RPGRIP1L: variants seen among roughly 807,000 people sequenced by gnomAD.
The protein encoded by RPGRIP1L is protein fantom.
Under a neutral mutation model 160.4 loss-of-function variants are expected in RPGRIP1L, and 131 were observed. The observed-to-expected ratio is 0.82, with a 90% CI of 0.71 to 0.94. The LOEUF is 0.94. Ranked by LOEUF, RPGRIP1L falls within the 40% of genes least tolerant of loss-of-function variation. The pLI, the probability that RPGRIP1L is intolerant of heterozygous loss-of-function variation, is 0.00. For missense variants in RPGRIP1L, 1,522 were observed against 1,535.8 expected (o/e 0.99, Z 0.15); for synonymous variants, 510 against 515.8 (o/e 0.99, Z 0.15).
chr16:53,666,360 T>A (rs1381143449), intron 9 of RPGRIP1L, among the ~76,000 whole-genome samples: 3 of 152,192 alleles, frequency 2.0e-5, no homozygotes, highest in South Asian at 4.1e-4. Flanking sequence ...AAATATAGGA[T>A]CTATATATCA....
At chr16:53,637,954 G>T in intron 20 of RPGRIP1L, 100 bp from the exon 21 acceptor site, 1 of 1,185,206 alleles carries the variant, frequency 8.4e-7, no homozygotes, top group Non-Finnish European at 1.2e-6. Flanking sequence ...GTAAATTTGA[G>T]ACTTAAATAT....
intron 9 of RPGRIP1L, among the ~76,000 whole-genome samples, chr16:53,670,448 A>C (rs1389903876): frequency 6.6e-6 from 1 of 152,106 alleles, no homozygotes; most frequent in African/African-American, 2.4e-5. Flanking sequence ...ATCATTTATC[A>C]GTATCATATA....
At chr16:53,658,496 GT>G in intron 11 of RPGRIP1L, 32 bp from the exon 12 acceptor site, 1 of 1,503,216 alleles carries the variant, frequency 6.7e-7, no homozygotes, top group Non-Finnish European at 9.3e-7. Context: ...CTCACAATGA[GT>G]TATGAATGGA....
chr16:53,619,644 A>G (rs1964590267), intron 23 of RPGRIP1L, among the ~76,000 whole-genome samples: 1 of 152,206 alleles, frequency 6.6e-6, no homozygotes, highest in Non-Finnish European at 1.5e-5. Flanking sequence ...AGCCTGTTGA[A>G]CACTTTATAG....
At chr16:53,612,292 G>A (rs1325281000) in intron 24 of RPGRIP1L, among the ~76,000 whole-genome samples, 1 of 152,272 alleles carries the variant, frequency 6.6e-6, no homozygotes, top group South Asian at 2.1e-4. Context: ...CTCTTTGCAT[G>A]AAACCATATT....
rs371351333 is a variant in RPGRIP1L at position 53,697,515 on chromosome 16, C to T, written c.86-1220G>A. ...TGCCTGCGATTGCAGGCGCACGCCG[C>T]CACGCCTGGCTGGTTTTCGTATTTT... On this transcript the variant is annotated intron_variant, in intron 2 of 26. Coordinates refer to ENST00000647211, the MANE Select transcript of RPGRIP1L (RefSeq NM_015272.5). Among the ~76,000 whole-genome samples the T allele has an allele frequency of 2.1e-3, 317 of 151,630 alleles. 1 individual carries two copies. The highest frequency in any genetic ancestry group is 9.0e-3 in the East Asian group (43 of 4,760).
intron 2 of RPGRIP1L, among the ~76,000 whole-genome samples, chr16:53,699,369 C>A: frequency 8.4e-6 from 1 of 118,842 alleles, no homozygotes. Context: ...CTGTGAGAAA[C>A]ACCCAAGAAT....
chr16:53,644,950 C>T (rs1262892677), intron 17 of RPGRIP1L, among the ~76,000 whole-genome samples: 1 of 152,094 alleles, frequency 6.6e-6, no homozygotes, highest in Non-Finnish European at 1.5e-5. Flanking sequence ...TATAAATATA[C>T]ATTTTATCTT....
At chr16:53,692,003 T>G (rs1294524999) in intron 4 of RPGRIP1L, 63 bp downstream of exon 4, 18 of 1,491,404 alleles carry the variant, frequency 1.2e-5, no homozygotes, top group Admixed American at 1.7e-5. Context: ...AAACTTTGTG[T>G]TTTTTTTGTG....
At chr16:53,671,429 A>T in intron 9 of RPGRIP1L, 81 bp downstream of exon 9, 1 of 861,866 alleles carries the variant, frequency 1.2e-6, no homozygotes. Context: ...GATCAACATG[A>T]TCTATTCTGA....
At chr16:53,674,938 G>T in intron 7 of RPGRIP1L, 79 bp downstream of exon 7, 2 of 912,778 alleles carry the variant, frequency 2.2e-6, no homozygotes, top group South Asian at 1.4e-5. Context: ...ATAATTCCAT[G>T]TTAAAAAAAC....
chr16:53,618,936 GAAAT>G lies in RPGRIP1L; in HGVS notation c.3616+85_3616+88del, dbSNP rs1964543503. On this transcript the variant is annotated intron_variant, in intron 24 of 26. Transcript: ENST00000647211. Reference sequence around the variant, plus strand: ...TCCATGAATTTATGTGAATATTAGAGAAATAAACTTTCTCTCTGTTCTTTCCACT... The same window carrying G: ...TCCATGAATTTATGTGAATATTAGAGAAACTTTCTCTCTGTTCTTTCCACT... The G allele has an allele frequency of 1.6e-5, 17 of 1,085,976 alleles. No homozygotes were observed. In the South Asian group the frequency reaches 2.0e-4, roughly 13 times the overall value. 67.3% of individuals were successfully genotyped at this position (1,085,976 alleles called of 1,614,324 possible).
intron 16 of RPGRIP1L, among the ~76,000 whole-genome samples, chr16:53,646,497 AAC>A (rs1966556488): frequency 6.6e-6 from 1 of 152,192 alleles, no homozygotes; most frequent in Admixed American, 6.5e-5. Context: ...AGAAAATGAG[AAC>A]AGAGTCAGAG....
chr16:53,661,684 T>A (rs539507739), intron 10 of RPGRIP1L, among the ~76,000 whole-genome samples: 38 of 152,330 alleles, frequency 2.5e-4, no homozygotes, highest in African/African-American at 9.1e-4. Flanking sequence ...TTCTATGTTC[T>A]GGTTTTCCTT....
intron 14 of RPGRIP1L, 138 bp from the exon 15 acceptor site, chr16:53,653,125 A>T: frequency 1.1e-6 from 1 of 887,050 alleles, no homozygotes; most frequent in East Asian, 2.6e-5. Context: ...GTTTTTCTGT[A>T]AATAATACTT....
intron 9 of RPGRIP1L, 25 bp from the exon 10 acceptor site, chr16:53,665,034 G>T (rs767426211): frequency 6.2e-7 from 1 of 1,612,730 alleles, no homozygotes. Context: ...TGACATGCAA[G>T]GAAAGCTTGG....
chr16:53,668,159 T>C (rs975775448), intron 9 of RPGRIP1L, among the ~76,000 whole-genome samples: 5 of 152,048 alleles, frequency 3.3e-5, no homozygotes, highest in Non-Finnish European at 7.4e-5. Flanking sequence ...TGAAAGAAGA[T>C]GATGCCCCAA....
rs780516324 is a variant in RPGRIP1L, at chr16:53,687,844, C to T, written c.632+19G>A. 4.1e-6 allele frequency: 6 copies of T among 1,455,630 alleles called. No individual in the cohort carries two copies. The Admixed American group carries it at 1.0e-4, about 24-fold the overall frequency. The allele number at this position is 1,455,630 out of a possible 1,614,324, so 90.2% of individuals were successfully genotyped here. A position where few individuals can be genotyped will look rare whatever the true frequency, so the allele number is the denominator to read the frequency against. On this transcript the variant is annotated intron_variant, in intron 5 of 26. Transcript: ENST00000647211. ...TCAATAACCAAAGTTCTCAAATTAC[C>T]ACAAAAAAGAACACATACAAATTTC...
Position 53,625,552 on chromosome 16 carries a change from C to T in RPGRIP1L, c.3295-3196G>A, listed in dbSNP as rs1412769220. On this transcript the variant is annotated intron_variant, in intron 22 of 26. Transcript: ENST00000647211. ...GGGCGCCTCCGCCCGGCAGCCACCC[C>T]GTCTTGGGGGTGGGGGGGCCCCTCT... Among the ~76,000 whole-genome samples the T allele has an allele frequency of 5.4e-5, 8 of 148,450 alleles. No individual in the cohort carries two copies. In the South Asian group the frequency reaches 6.5e-4, roughly 12 times the overall value.
Sources: allele counts gnomAD v4.1 joint callset (sites outside exome capture counted in the v4.1 genomes callset), GRCh38; gene constraint gnomAD v4.1.1; transcripts MANE v1.5; gene names NCBI Gene and HGNC (gene_info 2026-07-23, HGNC 2026-07-21).